SHLD1: variants seen among roughly 807,000 people sequenced by gnomAD.
The protein encoded by SHLD1 is RINN1-REV7-interacting novel NHEJ regulator 3.
Under a neutral mutation model 5.5 loss-of-function variants are expected in SHLD1, and 3 were observed. The observed-to-expected ratio is 0.54, with a 90% CI of 0.25 to 1.40. SHLD1 has a LOEUF of 1.40. SHLD1 is among the 40% of genes most tolerant of loss of function. The probability of loss-of-function intolerance (pLI) is 0.15; values close to 1 mark genes in which losing one functional copy is unlikely to be tolerated. For synonymous variants in SHLD1, 92 were observed against 94.3 expected (o/e 0.98, Z 0.14); for missense variants, 210 against 244.4 (o/e 0.86, Z 0.94).
chr20:5,779,281 C>T (rs1041430356), intron 2 of SHLD1, among the ~76,000 whole-genome samples: 15 of 152,192 alleles, frequency 9.9e-5, no homozygotes, highest in South Asian at 2.1e-4. Flanking sequence ...GAGGTGACAG[C>T]CTTAAACTCT....
chr20:5,839,688 C>G (rs1158515203), intron 2 of SHLD1, among the ~76,000 whole-genome samples: 1 of 152,218 alleles, frequency 6.6e-6, no homozygotes. Flanking sequence ...GGCTAAATAA[C>G]TGTCATTCTG....
chr20:5,849,223 C>T (rs1275614061), intron 2 of SHLD1, among the ~76,000 whole-genome samples: 3 of 152,166 alleles, frequency 2.0e-5, no homozygotes, highest in Non-Finnish European at 4.4e-5. Flanking sequence ...GGTGTTACGA[C>T]GCAGCAGGGA....
chr20:5,800,793 G>T (rs956835014), intron 2 of SHLD1, among the ~76,000 whole-genome samples: 1 of 151,858 alleles, frequency 6.6e-6, no homozygotes, highest in African/African-American at 2.4e-5. Context: ...GAGATGACAA[G>T]AAAAAAATTA....
rs2088190252 is a variant in SHLD1 at position 5,863,406 on chromosome 20, A to G, written c.561A>G (p.Gly187=). 6.2e-7 allele frequency: 1 copy of G among 1,613,618 alleles called. No individual in the cohort carries two copies. The highest frequency in any genetic ancestry group is 1.3e-5 in the African/African-American group (1 of 75,024). The change falls in exon 3 of 3, where the codon GGA becomes GGG. Residue 187 remains glycine (G), a synonymous_variant. Transcript: ENST00000303142. ...TSLDDEKPNP[G]LSKDITHFLL... ...TGGATGATGAAAAGCCAAACCCAGG[A>G]CTGTCAAAGGATATTACTCATTTCC...
intron 2 of SHLD1, among the ~76,000 whole-genome samples, chr20:5,774,232 C>T (rs780706858): frequency 1.3e-5 from 2 of 151,954 alleles, no homozygotes; most frequent in African/African-American, 2.4e-5. Flanking sequence ...CAAACAACAA[C>T]AAAAAACAAA....
intron 2 of SHLD1, among the ~76,000 whole-genome samples, chr20:5,820,327 CACTCAACGGAT>C (rs1428097892): frequency 6.6e-6 from 1 of 152,232 alleles, no homozygotes; most frequent in Admixed American, 6.5e-5. Flanking sequence ...CGCCAATAAA[CACTCAACGGAT>C]ACTCAACGGA....
At chr20:5,750,858 A>C (rs937723391) in intron 1 of SHLD1, among the ~76,000 whole-genome samples, 1 of 152,170 alleles carries the variant, frequency 6.6e-6, no homozygotes, top group Non-Finnish European at 1.5e-5. Flanking sequence ...CAAGCCTAGC[A>C]TAGTGGCATT....
chr20:5,845,518 A>C (rs2087922503), intron 2 of SHLD1, among the ~76,000 whole-genome samples: 1 of 152,252 alleles, frequency 6.6e-6, no homozygotes, highest in Non-Finnish European at 1.5e-5. Flanking sequence ...CCAGAACTTA[A>C]GTCTACCTTA....
chr20:5,843,095 G>A (rs1378971294), intron 2 of SHLD1, among the ~76,000 whole-genome samples: 1 of 152,118 alleles, frequency 6.6e-6, no homozygotes, highest in Non-Finnish European at 1.5e-5. Flanking sequence ...ATGGAACTCT[G>A]TGTGGACGGT....
chr20:5,830,756 A>AGGAG (rs1284235286), intron 2 of SHLD1, among the ~76,000 whole-genome samples: 2 of 151,470 alleles, frequency 1.3e-5, no homozygotes, highest in East Asian at 3.9e-4. Context: ...AATAGTTGAA[A>AGGAG]GGAGGCAAAA....
At chr20:5,754,084 CCA>C (rs1385976988) in intron 1 of SHLD1, among the ~76,000 whole-genome samples, 4 of 152,088 alleles carry the variant, frequency 2.6e-5, no homozygotes, top group African/African-American at 7.2e-5. Flanking sequence ...TATCTTATTG[CCA>C]CAGAGTCTGT....
chr20:5,771,914 G>T, intron 1 of SHLD1: 2 of 129,764 alleles, frequency 1.5e-5, no homozygotes, highest in South Asian at 6.4e-5. Context: ...TGCTCTTGTT[G>T]CCCAGGCTGG....
chr20:5,808,668 C>T (rs955192962), intron 2 of SHLD1, among the ~76,000 whole-genome samples: 3 of 152,172 alleles, frequency 2.0e-5, no homozygotes, highest in Non-Finnish European at 2.9e-5. Flanking sequence ...CATAAACAAT[C>T]TTGCAGGGAA....
At chr20:5,826,109 G>A (rs1038195301) in intron 2 of SHLD1, among the ~76,000 whole-genome samples, 1 of 152,200 alleles carries the variant, frequency 6.6e-6, no homozygotes, top group Non-Finnish European at 1.5e-5. Context: ...GTGTGAATAC[G>A]ACTGCAGGTT....
At chr20:5,797,688 T>G (rs1308068490) in intron 2 of SHLD1, among the ~76,000 whole-genome samples, 1 of 152,236 alleles carries the variant, frequency 6.6e-6, no homozygotes, top group Non-Finnish European at 1.5e-5. Flanking sequence ...AAATTGTATG[T>G]TTAGTCAAAT....
At chr20:5,753,329 A>T (rs897541953) in intron 1 of SHLD1, among the ~76,000 whole-genome samples, 2 of 152,174 alleles carry the variant, frequency 1.3e-5, no homozygotes, top group Non-Finnish European at 2.9e-5. Flanking sequence ...AAACATAGAG[A>T]CAGGGTCTTG....
intron 2 of SHLD1, among the ~76,000 whole-genome samples, chr20:5,822,244 G>T (rs1331208814): frequency 6.6e-6 from 1 of 152,142 alleles, no homozygotes; most frequent in Non-Finnish European, 1.5e-5. Context: ...GATCACCTGA[G>T]GTCAGGAGTT....
chr20:5,800,579 A>G (rs556435379), intron 2 of SHLD1, among the ~76,000 whole-genome samples: 1 of 152,246 alleles, frequency 6.6e-6, no homozygotes, highest in Non-Finnish European at 1.5e-5. Flanking sequence ...AATCCCAACT[A>G]TTCAGGAGGC....
intron 2 of SHLD1, among the ~76,000 whole-genome samples, chr20:5,844,054 C>T (rs905548903): frequency 6.6e-6 from 1 of 152,088 alleles, no homozygotes. Context: ...CTGTGTTCTC[C>T]AATGTTATGT....
Sources: allele counts gnomAD v4.1 joint callset (sites outside exome capture counted in the v4.1 genomes callset), GRCh38; gene constraint gnomAD v4.1.1; transcripts MANE v1.5; gene names NCBI Gene and HGNC (gene_info 2026-07-23, HGNC 2026-07-21).